NRXN3: variants seen among roughly 807,000 people sequenced by gnomAD.
NRXN3 encodes neurexin III.
NRXN3 carries 32 observed loss-of-function variants against 137.6 expected under a neutral mutation model. That is an observed-to-expected ratio of 0.23 (90% CI 0.18 to 0.31). NRXN3 has a LOEUF of 0.31. Ranked by LOEUF, NRXN3 falls within the 10% of genes least tolerant of loss-of-function variation. The probability of loss-of-function intolerance (pLI) is 1.00; values close to 1 mark genes in which losing one functional copy is unlikely to be tolerated. For missense variants in NRXN3, 1,574 were observed against 2,062.5 expected, an observed-to-expected ratio of 0.76 and a Z score of 4.59; for synonymous variants, 798 against 784.5, an observed-to-expected ratio of 1.02 and a Z score of -0.29.
In NRXN3 at chr14:79,152,515, A is replaced by G. The variant is rs141656729; in HGVS notation, c.3262+164374A>G. ...AGACATATCCAAAACTCGGTAATTT[A>G]TAAAGGAAAGAGGTTTAATTAACTC... On this transcript the variant is annotated intron_variant, in intron 15 of 20. Coordinates refer to ENST00000335750, the MANE Select transcript of NRXN3 (RefSeq NM_001330195.2). Among the ~76,000 whole-genome samples, 881 of 152,158 alleles carry G rather than the reference A, an allele frequency of 5.8e-3. 5 individuals carry two copies. The highest frequency in any genetic ancestry group is 0.017 in the Middle Eastern group (5 of 294).
chr14:78,647,399 G>A (rs536237541), intron 5 of NRXN3, among the ~76,000 whole-genome samples: 4 of 152,290 alleles, frequency 2.6e-5, no homozygotes, highest in South Asian at 2.1e-4. Flanking sequence ...ACAATCTTCC[G>A]CAGCCATGTG....
chr14:79,493,936 C>T (rs958676193), intron 16 of NRXN3, among the ~76,000 whole-genome samples: 3 of 152,208 alleles, frequency 2.0e-5, no homozygotes, highest in African/African-American at 7.2e-5. Context: ...AATTTGCTTA[C>T]TTCTCCAGAT....
chr14:78,890,499 T>C (rs2099155915), intron 10 of NRXN3, among the ~76,000 whole-genome samples: 1 of 151,882 alleles, frequency 6.6e-6, no homozygotes, highest in Non-Finnish European at 1.5e-5. Flanking sequence ...CAATTTCTCA[T>C]GGACCAATGT....
Position 79,134,463 on chromosome 14 carries a change from G to A in NRXN3, c.3262+146322G>A, listed in dbSNP as rs892991527. ...AATTTCAGTTAAAAGAAAGAACAAA[G>A]GCATGTCAATGTTTTGGACTGAGGC... On this transcript the variant is annotated intron_variant, in intron 15 of 20. Transcript: ENST00000335750. Among the ~76,000 whole-genome samples, 21 of 152,304 alleles carry A rather than the reference G, an allele frequency of 1.4e-4. No individual in the cohort carries two copies. The South Asian group carries it at 2.7e-3, about 20-fold the overall frequency.
chr14:79,538,160 T>G (rs1234497890), intron 16 of NRXN3, among the ~76,000 whole-genome samples: 1 of 152,172 alleles, frequency 6.6e-6, no homozygotes, highest in African/African-American at 2.4e-5. Context: ...TCTTGTAAAT[T>G]TGTTTGAGTT....
intron 10 of NRXN3, among the ~76,000 whole-genome samples, chr14:78,856,536 G>A (rs1286082582): frequency 6.6e-6 from 1 of 152,116 alleles, no homozygotes; most frequent in Non-Finnish European, 1.5e-5. Context: ...GATCATTGAT[G>A]TGTGTTTACT....
At chr14:78,885,219 A>G (rs1208513435) in intron 10 of NRXN3, among the ~76,000 whole-genome samples, 3 of 149,628 alleles carry the variant, frequency 2.0e-5, no homozygotes, top group African/African-American at 7.3e-5. Flanking sequence ...ATAAATATAA[A>G]TTACATATGT....
At chr14:78,870,906 T>C (rs1353545889) in intron 10 of NRXN3, among the ~76,000 whole-genome samples, 1 of 151,874 alleles carries the variant, frequency 6.6e-6, no homozygotes, top group Non-Finnish European at 1.5e-5. Context: ...AGTTTCTTAG[T>C]AGCTGAATAA....
chr14:79,479,134 C>T lies in NRXN3; in HGVS notation c.3444+11732C>T, dbSNP rs143270840. The stretch of plus-strand genomic sequence containing the variant: ...ACTAAATGGTTATGAAATTATCTAG[C>T]CCTTTATTAAGTGCAAAAGGTAGTA... On this transcript the variant is annotated intron_variant, in intron 16 of 20. Coordinates refer to ENST00000335750, the MANE Select transcript of NRXN3 (RefSeq NM_001330195.2). Among the ~76,000 whole-genome samples the T allele has an allele frequency of 1.2e-3, 177 of 152,222 alleles. 1 individual carries two copies. Among genetic ancestry groups the T allele is most frequent in the African/African-American group, 4.2e-3 (176 of 41,554 alleles).
rs538724962 is a variant in NRXN3, at chr14:78,773,209, G to C, written c.2045-30411G>C. Among the ~76,000 whole-genome samples the C allele has an allele frequency of 8.5e-5, 13 of 152,278 alleles. No individual in the cohort carries two copies. The South Asian group carries it at 2.7e-3, about 32-fold the overall frequency. ...GGATGCTTTTGTGTGATGACTTATT[G>C]CTATTCCCATGTCTCTATACCAATG... On this transcript the variant is annotated intron_variant, in intron 8 of 20. Transcript: ENST00000335750.
intron 16 of NRXN3, among the ~76,000 whole-genome samples, chr14:79,587,644 A>G (rs1430739357): frequency 6.6e-6 from 1 of 152,248 alleles, no homozygotes. Context: ...ATAAATAGAA[A>G]AGCCAAGGTA....
chr14:78,816,022 A>G (rs1051429790), intron 10 of NRXN3, among the ~76,000 whole-genome samples: 6 of 152,150 alleles, frequency 3.9e-5, no homozygotes, highest in Non-Finnish European at 7.4e-5. Flanking sequence ...TATCTTCATA[A>G]CGCATATTTT....
chr14:78,651,071 G>T, intron 5 of NRXN3, 94 bp from the exon 6 acceptor site: 1 of 1,171,112 alleles, frequency 8.5e-7, no homozygotes, highest in East Asian at 2.4e-5. Flanking sequence ...AAATCTTAAT[G>T]AAAGTGATGC....
intron 19 of NRXN3, among the ~76,000 whole-genome samples, chr14:79,759,436 A>G (rs2099030844): frequency 6.6e-6 from 1 of 151,560 alleles, no homozygotes; most frequent in South Asian, 2.1e-4. Flanking sequence ...AGGAGTATTC[A>G]GAGTAAATAA....
intron 4 of NRXN3, among the ~76,000 whole-genome samples, chr14:78,298,935 C>T (rs1040224268): frequency 1.1e-4 from 16 of 152,290 alleles, no homozygotes; most frequent in East Asian, 5.8e-4. Context: ...TTGACATAAA[C>T]GGCAGTATCA....
intron 4 of NRXN3, among the ~76,000 whole-genome samples, chr14:78,441,699 A>G (rs2094255735): frequency 6.6e-6 from 1 of 152,072 alleles, no homozygotes. Context: ...ACCTTATTGG[A>G]AAAAATGGTC....
chr14:78,439,115 G>A (rs187023947), intron 4 of NRXN3, among the ~76,000 whole-genome samples: 2 of 152,248 alleles, frequency 1.3e-5, no homozygotes, highest in East Asian at 1.9e-4. Context: ...GCTTGATCAT[G>A]TTTGTAGGGA....
At chr14:78,564,666 C>A (rs1325512128) in intron 4 of NRXN3, among the ~76,000 whole-genome samples, 1 of 152,168 alleles carries the variant, frequency 6.6e-6, no homozygotes, top group African/African-American at 2.4e-5. Context: ...ATCTGGTCTG[C>A]ATTTTCCAGC....
In NRXN3 at chr14:78,962,452, A is replaced by G. The variant is rs540177075; in HGVS notation, c.2396-3573A>G. ...AGAAGCGGCTGTGAGGTATGAATAT[A>G]TTTGCCCCTTAAGTAGAAAGGAGGT... On this transcript the variant is annotated intron_variant, in intron 11 of 20. Coordinates refer to ENST00000335750, the MANE Select transcript of NRXN3 (RefSeq NM_001330195.2). Among the ~76,000 whole-genome samples, 13 of 152,252 alleles carry G rather than the reference A, an allele frequency of 8.5e-5. No individual in the cohort carries two copies. In the South Asian group the frequency reaches 2.7e-3, roughly 32 times the overall value.
Sources: allele counts gnomAD v4.1 joint callset (sites outside exome capture counted in the v4.1 genomes callset), GRCh38; gene constraint gnomAD v4.1.1; transcripts MANE v1.5; gene names NCBI Gene and HGNC (gene_info 2026-07-23, HGNC 2026-07-21).